DPY19L1: variants seen among roughly 807,000 people sequenced by gnomAD.
DPY19L1 encodes protein C-mannosyl-transferase DPY19L1.
In DPY19L1, 35 loss-of-function variants were observed where a neutral mutation model predicts 96.9. The observed-to-expected ratio is 0.36, with a 90% confidence interval of 0.28 to 0.48. DPY19L1 has a LOEUF of 0.48. DPY19L1 is among the 20% of genes least tolerant of loss of function. The pLI is 0.99. For synonymous variants in DPY19L1, 205 were observed against 252.6 expected, an observed-to-expected ratio of 0.81 and a Z score of 1.79; for missense variants, 521 against 777.9, an observed-to-expected ratio of 0.67 and a Z score of 3.93.
chr7:34,989,258 A>G (rs1275732462), intron 7 of DPY19L1, among the ~76,000 whole-genome samples: 3 of 152,222 alleles, frequency 2.0e-5, no homozygotes, highest in Admixed American at 2.0e-4. Flanking sequence ...AGTTGTATCA[A>G]TTACCACCTA....
chr7:34,988,580 G>A (rs986342076), intron 7 of DPY19L1, among the ~76,000 whole-genome samples: 7 of 152,058 alleles, frequency 4.6e-5, no homozygotes, highest in African/African-American at 1.4e-4. Flanking sequence ...CTAAAAAGAA[G>A]TCCAGCATTG....
At chr7:34,951,157 A>T (rs752330774) in intron 13 of DPY19L1, among the ~76,000 whole-genome samples, 9 of 152,132 alleles carry the variant, frequency 5.9e-5, no homozygotes, top group Non-Finnish European at 1.3e-4. Flanking sequence ...ATATGGATTC[A>T]AAGTACACAG....
chr7:34,968,645 C>T (rs907835735), intron 9 of DPY19L1, among the ~76,000 whole-genome samples: 2 of 151,758 alleles, frequency 1.3e-5, no homozygotes, highest in Non-Finnish European at 2.9e-5. Flanking sequence ...TGGCACGTGC[C>T]TGTAGTTCCA....
chr7:35,012,912 T>C (rs1785748538), intron 4 of DPY19L1, among the ~76,000 whole-genome samples: 1 of 151,396 alleles, frequency 6.6e-6, no homozygotes, highest in Admixed American at 6.6e-5. Flanking sequence ...ATTATGTATA[T>C]ATGTATGTGT....
chr7:34,942,010 C>T (rs2128781939), intron 17 of DPY19L1, 126 bp from the exon 18 acceptor site: 2 of 1,019,890 alleles, frequency 2.0e-6, no homozygotes, highest in East Asian at 2.7e-5. Flanking sequence ...GTTTCTGAAA[C>T]TTCGAAAACA....
At position 34,955,372 on chromosome 7, in the gene DPY19L1, G is replaced by A. The variant is rs1409067026; in HGVS notation, c.1180-5C>T. On this transcript the variant is annotated splice_region_variant and splice_polypyrimidine_tract_variant and intron_variant, in intron 11 of 21. Coordinates refer to ENST00000638088, the MANE Select transcript of DPY19L1 (RefSeq NM_001366673.1). The stretch of plus-strand genomic sequence containing the variant: ...TGGTTTCATTGCCAGAATACCCTGA[G>A]TAGAGAAAAATAACATAGTATACAC... The A allele has an allele frequency of 1.9e-6, 3 of 1,607,102 alleles. No individual in the cohort carries two copies. The highest frequency in any genetic ancestry group is 2.6e-6 in the Non-Finnish European group (3 of 1,175,748).
chr7:34,999,410 T>C (rs1338007806), intron 6 of DPY19L1, among the ~76,000 whole-genome samples: 1 of 152,104 alleles, frequency 6.6e-6, no homozygotes, highest in African/African-American at 2.4e-5. Context: ...GTCAGACAAA[T>C]GTATTTTAAA....
chr7:35,016,778 A>C (rs529624625), intron 3 of DPY19L1, among the ~76,000 whole-genome samples: 1 of 152,244 alleles, frequency 6.6e-6, no homozygotes, highest in Non-Finnish European at 1.5e-5. Flanking sequence ...TCTGATCCAT[A>C]AATGTTCAGG....
chr7:34,930,518 TATC>T lies in DPY19L1; in HGVS notation c.*1052_*1054del, dbSNP rs1783730535. 1 of 152,200 alleles carries T rather than the reference TATC, an allele frequency of 6.6e-6. No homozygotes were observed. 9.4% of individuals were successfully genotyped at this position (152,200 alleles called of 1,614,324 possible). ...AAAAGTAAAATATAAAAACTCCATT[TATC>T]ATTATTCTTTACATTTTTGACAGCA... On this transcript the variant is annotated 3_prime_UTR_variant, in exon 22 of 22. Coordinates refer to ENST00000638088, the MANE Select transcript of DPY19L1 (RefSeq NM_001366673.1).
At chr7:35,021,972 G>A (rs1444312029) in intron 1 of DPY19L1, among the ~76,000 whole-genome samples, 1 of 152,076 alleles carries the variant, frequency 6.6e-6, no homozygotes, top group Admixed American at 6.5e-5. Flanking sequence ...TATGTCACTT[G>A]AACATGAAAG....
At chr7:34,962,726 C>T (rs1784525826) in intron 10 of DPY19L1, among the ~76,000 whole-genome samples, 1 of 151,818 alleles carries the variant, frequency 6.6e-6, no homozygotes, top group Non-Finnish European at 1.5e-5. Context: ...CAACAACCAC[C>T]CGTAGAAAAG....
chr7:35,026,800 A>G (rs957151556), intron 1 of DPY19L1, among the ~76,000 whole-genome samples: 2 of 152,182 alleles, frequency 1.3e-5, no homozygotes, highest in Non-Finnish European at 2.9e-5. Context: ...AAATTCTTTT[A>G]CTTCCCTCGT....
At chr7:34,959,954 C>T (rs1222338581) in intron 10 of DPY19L1, among the ~76,000 whole-genome samples, 9 of 128,412 alleles carry the variant, frequency 7.0e-5, no homozygotes, top group Admixed American at 6.2e-4. Flanking sequence ...TATAAAAGAA[C>T]CTAGCCCCTT....
intron 9 of DPY19L1, among the ~76,000 whole-genome samples, chr7:34,967,316 T>G (rs190505811): frequency 6.6e-6 from 1 of 152,280 alleles, no homozygotes; most frequent in Non-Finnish European, 1.5e-5. Flanking sequence ...AATTATAACA[T>G]GACAACTAAT....
chr7:35,001,538 T>C (rs1457209171), intron 6 of DPY19L1, among the ~76,000 whole-genome samples: 1 of 152,152 alleles, frequency 6.6e-6, no homozygotes, highest in African/African-American at 2.4e-5. Context: ...TAATCTTCCA[T>C]TTCAGTTAAC....
At chr7:34,999,609 G>A (rs1210039669) in intron 6 of DPY19L1, among the ~76,000 whole-genome samples, 1 of 152,118 alleles carries the variant, frequency 6.6e-6, no homozygotes, top group African/African-American at 2.4e-5. Flanking sequence ...GGGAAGGACG[G>A]GTCTAGGATG....
intron 7 of DPY19L1, among the ~76,000 whole-genome samples, chr7:34,988,488 T>G (rs535325526): frequency 2.6e-5 from 4 of 152,092 alleles, no homozygotes; most frequent in Non-Finnish European, 5.9e-5. Flanking sequence ...TTGCAACCAC[T>G]TGTCAATTAC....
At chr7:34,954,654 G>A (rs753798325) in intron 13 of DPY19L1, 44 bp downstream of exon 13, 8 of 1,165,130 alleles carry the variant, frequency 6.9e-6, no homozygotes, top group South Asian at 2.8e-5. Flanking sequence ...TAGCCTATTC[G>A]ATTCTTTTCA....
At chr7:34,998,879 C>A (rs1477180973) in intron 6 of DPY19L1, among the ~76,000 whole-genome samples, 2 of 152,146 alleles carry the variant, frequency 1.3e-5, no homozygotes, top group Non-Finnish European at 2.9e-5. Context: ...GACAATGCAA[C>A]AGGCAGAGAA....
Sources: gnomAD v4.1 joint callset for allele counts (sites outside exome capture counted in the v4.1 genomes callset) on GRCh38, gnomAD v4.1.1 for gene constraint, MANE v1.5 for transcripts, NCBI Gene and HGNC (gene_info 2026-07-23, HGNC 2026-07-21) for gene names.